TPH1: variants seen among roughly 807,000 people sequenced by gnomAD.
TPH1 encodes tryptophan 5-hydroxylase 1.
TPH1 carries 37 observed loss-of-function variants against 49.5 expected under a neutral mutation model. That is an observed-to-expected ratio of 0.75 (90% CI 0.58 to 0.98). The LOEUF (loss-of-function observed/expected upper bound fraction) is 0.98. Among genes scored for constraint, TPH1 ranks in the 50% least tolerant of loss-of-function variants. TPH1 has a pLI of 0.00. For synonymous variants in TPH1, 160 were observed against 182.1 expected (o/e 0.88, Z 0.98); for missense variants, 487 against 523.6 (o/e 0.93, Z 0.68).
At chr11:18,033,789 C>T (rs1378664141) in intron 3 of TPH1, among the ~76,000 whole-genome samples, 1 of 152,184 alleles carries the variant, frequency 6.6e-6, no homozygotes, top group Non-Finnish European at 1.5e-5. Context: ...AATCATTTGT[C>T]TTTGCCACCT....
chr11:18,022,283 G>C lies in TPH1; in HGVS notation c.1160+515C>G, dbSNP rs549612151. The stretch of plus-strand genomic sequence containing the variant: ...TAGCTGATTAATAAAGCGTAGCTTT[G>C]ATTACATTGTACATATCTCCTATAT... On this transcript the variant is annotated intron_variant, in intron 10 of 10. Coordinates refer to ENST00000682019, the MANE Select transcript of TPH1 (RefSeq NM_004179.3). Among the ~76,000 whole-genome samples the C allele has an allele frequency of 2.0e-5, 3 of 152,288 alleles. No homozygotes were observed. The East Asian group carries it at 5.8e-4, about 29-fold the overall frequency.
Position 18,026,392 on chromosome 11 carries a change from CCAAA to C in TPH1, c.803+94_803+97del. The C allele has an allele frequency of 1.3e-5, 12 of 914,900 alleles. No individual in the cohort carries two copies. In the East Asian group the frequency reaches 2.9e-4, roughly 22 times the overall value. The allele number at this position is 914,900 out of a possible 1,614,324, so 56.7% of individuals were successfully genotyped here. A position where few individuals can be genotyped will look rare whatever the true frequency, so the allele number is the denominator to read the frequency against. ...TGCTAATTTATTTAATCCTCGCACACCAAAAAAAAAAAAAAAAAAAAAAAAGAAC... is the reference window on the plus strand; with the variant it reads ...TGCTAATTTATTTAATCCTCGCACACAAAAAAAAAAAAAAAAAAAAAGAAC... On this transcript the variant is annotated intron_variant, in intron 7 of 10. Transcript: ENST00000682019.
At chr11:18,025,425 G>T in intron 8 of TPH1, 150 bp downstream of exon 8, 2 of 932,532 alleles carry the variant, frequency 2.1e-6, no homozygotes, top group South Asian at 2.7e-5. Context: ...CTGTTGCCCA[G>T]GCTGGAGTGC....
intron 10 of TPH1, 110 bp downstream of exon 10, chr11:18,022,688 G>A: frequency 8.6e-7 from 1 of 1,159,738 alleles, no homozygotes; most frequent in South Asian, 1.3e-5. Flanking sequence ...ACAGACAGAA[G>A]GCTCCTTGTG....
chr11:18,035,881 G>T, intron 3 of TPH1, 78 bp downstream of exon 3: 1 of 1,217,974 alleles, frequency 8.2e-7, no homozygotes, highest in Non-Finnish European at 1.2e-6. Flanking sequence ...TTATTTTAAT[G>T]TCTTCAAGAT....
rs1204610531 is a variant in TPH1 at position 18,022,867 on chromosome 11, C to T, written c.1091G>A (p.Cys364Tyr). The T allele has an allele frequency of 1.2e-6, 2 of 1,613,636 alleles. No homozygotes were observed. The highest frequency in any genetic ancestry group is 1.7e-6 in the Non-Finnish European group (2 of 1,179,660). ...GACATCTTGAAAAGTTGTGATAAGA[C>T]ATTCCTGTTTGCAGGTAATCTTGGG... ...FDPKITCKQE[C>Y]LITTFQDVYF... Residue 364 changes from cysteine to tyrosine, a missense_variant, in exon 10 of 11, where the codon TGT becomes TAT. Transcript: ENST00000682019.
At chr11:18,026,700 G>A (rs1847932076) in intron 6 of TPH1, 75 bp from the exon 7 acceptor site, 3 of 1,560,384 alleles carry the variant, frequency 1.9e-6, no homozygotes, top group Non-Finnish European at 1.8e-6. Flanking sequence ...AGTTCTGCTA[G>A]TGGCACCAAG....
chr11:18,034,386 G>T (rs183172744), intron 3 of TPH1, among the ~76,000 whole-genome samples: 3 of 152,276 alleles, frequency 2.0e-5, no homozygotes, highest in African/African-American at 7.2e-5. Flanking sequence ...ATATTCAAGG[G>T]ATTTAACAAC....
chr11:18,030,330 G>T (rs1847974824), intron 4 of TPH1, among the ~76,000 whole-genome samples: 1 of 152,058 alleles, frequency 6.6e-6, no homozygotes, highest in Non-Finnish European at 1.5e-5. Flanking sequence ...GGTGAGGCAG[G>T]AGGATGGCTT....
In TPH1 at chr11:18,022,915, T is replaced by G. The variant is rs368769112; in HGVS notation, c.1043A>C (p.His348Pro). The part of the protein sequence containing the change: ...ISELKHALSG[H>P]AKVKPFDPKI... Reference sequence around the variant, plus strand: ...GGGATCAAAGGGCTTTACTTTGGCATGTCCAGAAAGTGCATGCTAGAAGAC... The same window carrying G: ...GGGATCAAAGGGCTTTACTTTGGCAGGTCCAGAAAGTGCATGCTAGAAGAC... Residue 348 changes from histidine (H) to proline (P), a missense_variant, in exon 10 of 11, where the codon CAT becomes CCT. Coordinates refer to ENST00000682019, the MANE Select transcript of TPH1 (RefSeq NM_004179.3). 3 of 1,613,400 alleles carry G rather than the reference T, an allele frequency of 1.9e-6. No homozygotes were observed. The highest frequency in any genetic ancestry group is 1.7e-6 in the Non-Finnish European group (2 of 1,179,592).
chr11:18,036,024 A>C lies in TPH1; in HGVS notation c.236T>G (p.Leu79Arg). The change falls in exon 3 of 11, where the codon CTG becomes CGG. Residue 79 changes from leucine to arginine, a missense_variant. Coordinates refer to ENST00000682019, the MANE Select transcript of TPH1 (RefSeq NM_004179.3). ...GAGAACATTGGTATGAGACTTCAGC[A>C]GATGAAAAATATCATTCAATTGTTC... ...NREQLNDIFHLLKSHTNVLSV... is the reference protein window; with the variant it reads ...NREQLNDIFHRLKSHTNVLSV... 1 of 1,612,862 alleles carries C rather than the reference A, an allele frequency of 6.2e-7. No homozygotes were observed. Among genetic ancestry groups the C allele is most frequent in the Non-Finnish European group, 8.5e-7 (1 of 1,179,842 alleles).
chr11:18,029,141 A>G (rs933154798), intron 6 of TPH1, 24 bp downstream of exon 6: 5 of 1,506,558 alleles, frequency 3.3e-6, no homozygotes, highest in Middle Eastern at 1.8e-4. Context: ...CAACTCCCTT[A>G]CAAAAAATTA....
At chr11:18,024,245 G>T (rs11024447) in intron 8 of TPH1, among the ~76,000 whole-genome samples, 3,233 of 152,124 alleles carry the variant, frequency 0.021, 49 homozygotes, top group Middle Eastern at 0.044. Context: ...AGCTATATTA[G>T]CCATATTAAA....
intron 2 of TPH1, among the ~76,000 whole-genome samples, chr11:18,039,798 C>T (rs112126775): frequency 1.1e-4 from 16 of 152,170 alleles, no homozygotes; most frequent in South Asian, 4.1e-4. Flanking sequence ...AATAAATATT[C>T]GTGTTCTGCC....
chr11:18,022,915 T>C lies in TPH1; in HGVS notation c.1043A>G (p.His348Arg), dbSNP rs368769112. 2.3e-5 allele frequency: 37 copies of C among 1,613,400 alleles called. No individual in the cohort carries two copies. The African/African-American group carries it at 3.2e-4, about 14-fold the overall frequency. ...ISELKHALSG[H>R]AKVKPFDPKI... ...GGGATCAAAGGGCTTTACTTTGGCA[T>C]GTCCAGAAAGTGCATGCTAGAAGAC... The change falls in exon 10 of 11, where the codon CAT becomes CGT. Residue 348 changes from histidine to arginine, a missense_variant. His to Arg is a conservative substitution (Grantham distance 29). Transcript: ENST00000682019.
In TPH1 at chr11:18,026,557, C is replaced by T; in HGVS notation, c.736G>A (p.Ala246Thr). 3 of 1,614,024 alleles carry T rather than the reference C, an allele frequency of 1.9e-6. No individual in the cohort carries two copies. The highest frequency in any genetic ancestry group is 1.3e-5 in the African/African-American group (1 of 74,994). The part of the protein sequence containing the change: ...LSPRDFLSGL[A>T]FRVFHCTQYV... Reference sequence around the variant, plus strand: ...TGAGTGCAGTGAAAAACTCGAAAGGCTAAACCTGATAAGAAATCTCTTGGT... The same window carrying T: ...TGAGTGCAGTGAAAAACTCGAAAGGTTAAACCTGATAAGAAATCTCTTGGT... The change falls in exon 7 of 11, where the codon GCC becomes ACC. Residue 246 changes from alanine (A) to threonine (T), a missense_variant. Transcript: ENST00000682019.
At chr11:18,043,150 C>T (rs1224947032) in intron 1 of TPH1, among the ~76,000 whole-genome samples, 2 of 152,168 alleles carry the variant, frequency 1.3e-5, no homozygotes, top group African/African-American at 2.4e-5. Flanking sequence ...CTAGCTTCAT[C>T]ATGTAAATCA....
chr11:18,044,044 G>T (rs1385205303), intron 1 of TPH1, among the ~76,000 whole-genome samples: 1 of 152,122 alleles, frequency 6.6e-6, no homozygotes, highest in African/African-American at 2.4e-5. Flanking sequence ...TCCTTAGTTG[G>T]TGTGGGGAGA....
At chr11:18,042,146 A>G (rs955513561) in intron 1 of TPH1, among the ~76,000 whole-genome samples, 1 of 151,968 alleles carries the variant, frequency 6.6e-6, no homozygotes, top group African/African-American at 2.4e-5. Flanking sequence ...CTTCTAGCCC[A>G]TCCATGAGTC....
Sources: gnomAD v4.1 joint callset for allele counts (sites outside exome capture counted in the v4.1 genomes callset) on GRCh38, gnomAD v4.1.1 for gene constraint, MANE v1.5 for transcripts, NCBI Gene and HGNC (gene_info 2026-07-23, HGNC 2026-07-21) for gene names.